CCDC91: variants seen among roughly 807,000 people sequenced by gnomAD.
CCDC91 encodes the protein coiled-coil domain-containing protein 91.
A neutral mutation model predicts 63.2 loss-of-function variants in CCDC91; 48 were observed. That is an observed-to-expected ratio of 0.76 (90% CI 0.60 to 0.97). CCDC91 has a LOEUF of 0.97. CCDC91 is among the 50% of genes least tolerant of loss of function. CCDC91 has a pLI of 0.00. For missense variants in CCDC91, 500 were observed against 494.6 expected (o/e 1.01, Z -0.10); for synonymous variants, 167 against 165.8 (o/e 1.01, Z -0.06).
intron 7 of CCDC91, among the ~76,000 whole-genome samples, chr12:28,367,291 A>G (rs1944336897): frequency 6.6e-6 from 1 of 152,224 alleles, no homozygotes; most frequent in Non-Finnish European, 1.5e-5. Flanking sequence ...TCAGCAAAGT[A>G]ATAGACTGTA....
chr12:28,333,396 G>GGA (rs1305312848), intron 6 of CCDC91, among the ~76,000 whole-genome samples: 2 of 89,106 alleles, frequency 2.2e-5, no homozygotes, highest in Non-Finnish European at 4.3e-5. Context: ...CTCCATCTCA[G>GGA]AAAAAAAAAA....
At chr12:28,545,949 T>G (rs1275346243) in intron 12 of CCDC91, among the ~76,000 whole-genome samples, 1 of 152,118 alleles carries the variant, frequency 6.6e-6, no homozygotes, top group Non-Finnish European at 1.5e-5. Flanking sequence ...CTAAAAATTC[T>G]AAGATATTAA....
At chr12:28,435,621 T>C (rs1304518425) in intron 8 of CCDC91, among the ~76,000 whole-genome samples, 3 of 151,894 alleles carry the variant, frequency 2.0e-5, no homozygotes, top group Non-Finnish European at 4.4e-5. Context: ...AGCCAGTATA[T>C]GCAGTTGATG....
At chr12:28,518,036 T>C (rs1940149351) in intron 12 of CCDC91, among the ~76,000 whole-genome samples, 2 of 152,050 alleles carry the variant, frequency 1.3e-5, no homozygotes, top group Non-Finnish European at 2.9e-5. Flanking sequence ...TACTCATTGA[T>C]TGATGGGTTC....
intron 11 of CCDC91, 82 bp downstream of exon 11, chr12:28,452,736 T>C: frequency 1.6e-6 from 1 of 622,586 alleles, no homozygotes; most frequent in Non-Finnish European, 2.5e-6. Context: ...ATCTTTTATC[T>C]TACTTAAAAC....
intron 11 of CCDC91, among the ~76,000 whole-genome samples, chr12:28,470,720 G>A (rs1196935037): frequency 6.6e-6 from 1 of 152,154 alleles, no homozygotes; most frequent in African/African-American, 2.4e-5. Context: ...TTAAAAAAAT[G>A]TGTTACTTAT....
At chr12:28,284,187 T>C (rs1311122159) in intron 3 of CCDC91, among the ~76,000 whole-genome samples, 1 of 152,150 alleles carries the variant, frequency 6.6e-6, no homozygotes, top group Non-Finnish European at 1.5e-5. Flanking sequence ...TCTAGGCATG[T>C]ACTTCTTGTT....
In CCDC91 at chr12:28,450,256, A is replaced by T. The variant is rs1278983487; in HGVS notation, c.855+3A>T. ...TTCAGCAATCTCAAGAACAGAAGGT[A>T]ATACTTTAACTGTGCTCAGAGTGTA... On this transcript the variant is annotated splice_donor_region_variant and intron_variant, in intron 9 of 12. Transcript: ENST00000536442. 2 of 1,598,534 alleles carry T rather than the reference A, an allele frequency of 1.3e-6. No homozygotes were observed. Among genetic ancestry groups the T allele is most frequent in the Non-Finnish European group, 1.7e-6 (2 of 1,166,650 alleles).
At chr12:28,524,775 G>A (rs915063821) in intron 12 of CCDC91, among the ~76,000 whole-genome samples, 6 of 151,986 alleles carry the variant, frequency 3.9e-5, no homozygotes, top group African/African-American at 1.4e-4. Flanking sequence ...CAGTCTCACT[G>A]CTTTTTATTG....
At chr12:28,421,491 A>G (rs2139912815) in intron 8 of CCDC91, among the ~76,000 whole-genome samples, 1 of 151,590 alleles carries the variant, frequency 6.6e-6, no homozygotes, top group South Asian at 2.1e-4. Context: ...TAGATTGCTT[A>G]GGAAAATGAC....
intron 6 of CCDC91, among the ~76,000 whole-genome samples, chr12:28,351,470 ACT>A (rs1336091369): frequency 1.3e-5 from 2 of 151,884 alleles, no homozygotes; most frequent in African/African-American, 4.8e-5. Flanking sequence ...TGGACCTGTG[ACT>A]CTAGTTTGAT....
At chr12:28,214,549 G>C (rs1234931053) in intron 1 of CCDC91, among the ~76,000 whole-genome samples, 1 of 151,764 alleles carries the variant, frequency 6.6e-6, no homozygotes, top group African/African-American at 2.4e-5. Context: ...GCCTGTAATT[G>C]TCATGTGTAT....
intron 11 of CCDC91, among the ~76,000 whole-genome samples, chr12:28,482,763 T>G (rs1034832376): frequency 5.9e-5 from 9 of 151,956 alleles, no homozygotes; most frequent in Non-Finnish European, 1.0e-4. Context: ...TGGCCAAAAA[T>G]GATTCCACTT....
At chr12:28,320,223 C>T (rs1471810627) in intron 6 of CCDC91, among the ~76,000 whole-genome samples, 4 of 151,802 alleles carry the variant, frequency 2.6e-5, no homozygotes, top group Non-Finnish European at 5.9e-5. Flanking sequence ...TACGGTTACT[C>T]CATATGCTAT....
At chr12:28,363,275 A>T (rs1944021994) in intron 7 of CCDC91, among the ~76,000 whole-genome samples, 1 of 152,150 alleles carries the variant, frequency 6.6e-6, no homozygotes, top group Admixed American at 6.5e-5. Flanking sequence ...ATTAAAAAAA[A>T]TGTTATCTTA....
At chr12:28,392,646 A>G (rs1041830994) in intron 8 of CCDC91, among the ~76,000 whole-genome samples, 1 of 152,226 alleles carries the variant, frequency 6.6e-6, no homozygotes, top group African/African-American at 2.4e-5. Context: ...AATAGCACAA[A>G]TATACCACAT....
rs576951316 is a variant in CCDC91, at chr12:28,305,882, A to G, written c.267+76A>G. ...TGCTAATTTAATTGTTGCTTTTTTA[A>G]TTTCTTTTTTAGCCTATTTGTCTAA... On this transcript the variant is annotated intron_variant, in intron 4 of 12. Transcript: ENST00000536442. The G allele has an allele frequency of 2.0e-4, 254 of 1,288,878 alleles. 2 individuals carry two copies. In the African/African-American group the frequency reaches 3.1e-3, roughly 16 times the overall value. 79.8% of individuals were successfully genotyped at this position (1,288,878 alleles called of 1,614,324 possible). A position where few individuals can be genotyped will look rare whatever the true frequency, so the allele number is the denominator to read the frequency against.
intron 3 of CCDC91, among the ~76,000 whole-genome samples, chr12:28,294,424 C>A (rs2136868353): frequency 6.6e-6 from 1 of 152,234 alleles, no homozygotes; most frequent in African/African-American, 2.4e-5. Context: ...TGAGTTCTCA[C>A]AGGATCTTCT....
intron 8 of CCDC91, among the ~76,000 whole-genome samples, chr12:28,442,505 A>G (rs1269377150): frequency 1.3e-5 from 2 of 152,156 alleles, no homozygotes; most frequent in East Asian, 1.9e-4. Context: ...AATGGCACAT[A>G]CTGTGTAATA....
Sources: gnomAD v4.1 joint callset for allele counts (sites outside exome capture counted in the v4.1 genomes callset) on GRCh38, gnomAD v4.1.1 for gene constraint, MANE v1.5 for transcripts, NCBI Gene and HGNC (gene_info 2026-07-23, HGNC 2026-07-21) for gene names.